Variants in SENP7 observed in about 807,000 individuals in gnomAD.
The protein encoded by SENP7 is sentrin-specific protease 7.
In SENP7, 64 loss-of-function variants were observed where a neutral mutation model predicts 141.2. The ratio of observed to expected loss-of-function variants is 0.45; its 90% CI spans 0.37 to 0.56. SENP7 has a LOEUF of 0.56. SENP7 is among the 20% of genes least tolerant of loss of function. SENP7 has a pLI of 0.00. For synonymous variants in SENP7, 382 were observed against 426.4 expected, an observed-to-expected ratio of 0.90 and a Z score of 1.28; for missense variants, 1,025 against 1,212.2, an observed-to-expected ratio of 0.85 and a Z score of 2.29.
intron 3 of SENP7, among the ~76,000 whole-genome samples, chr3:101,484,927 G>T (rs954090432): frequency 6.6e-6 from 1 of 152,076 alleles, no homozygotes; most frequent in Non-Finnish European, 1.5e-5. Flanking sequence ...GGAGCACAGT[G>T]GGACAGAGAC....
At chr3:101,357,827 T>C in intron 11 of SENP7, 1 of 584,132 alleles carries the variant, frequency 1.7e-6, no homozygotes, top group Admixed American at 2.4e-5. Context: ...AGAAAGTTCA[T>C]ACTGGAGAGA....
intron 4 of SENP7, among the ~76,000 whole-genome samples, chr3:101,443,210 C>T: frequency 6.6e-6 from 1 of 152,148 alleles, no homozygotes; most frequent in Non-Finnish European, 1.5e-5. Context: ...ATAGGGAATC[C>T]TTTCCCCATT....
At chr3:101,344,135 C>T (rs1415719888) in intron 13 of SENP7, among the ~76,000 whole-genome samples, 181 bp from the exon 14 acceptor site, 2 of 152,164 alleles carry the variant, frequency 1.3e-5, no homozygotes, top group Non-Finnish European at 2.9e-5. Flanking sequence ...AGAACCAAAA[C>T]TCACAATTGG....
intron 1 of SENP7, among the ~76,000 whole-genome samples, chr3:101,503,158 G>A (rs1050805734): frequency 2.0e-5 from 3 of 152,084 alleles, no homozygotes; most frequent in African/African-American, 4.8e-5. Context: ...ATATAAACAG[G>A]TGCTCAATTT....
At chr3:101,449,957 T>C (rs1413848547) in intron 4 of SENP7, among the ~76,000 whole-genome samples, 1 of 152,174 alleles carries the variant, frequency 6.6e-6, no homozygotes, top group East Asian at 1.9e-4. Flanking sequence ...TGTGCTATAT[T>C]CAGGAAACCC....
chr3:101,328,134 TACAC>T (rs2107184133), intron 22 of SENP7, among the ~76,000 whole-genome samples: 1 of 152,290 alleles, frequency 6.6e-6, no homozygotes, highest in Non-Finnish European at 1.5e-5. Flanking sequence ...ATTACAAAAT[TACAC>T]ATACATACAT....
intron 9 of SENP7, among the ~76,000 whole-genome samples, chr3:101,365,613 C>G (rs1415264846): frequency 7.6e-6 from 1 of 131,436 alleles, no homozygotes; most frequent in African/African-American, 3.0e-5. Flanking sequence ...CTAGCCTGGC[C>G]GACAGAGAGA....
At chr3:101,508,512 T>C (rs1285298498) in intron 1 of SENP7, among the ~76,000 whole-genome samples, 1 of 152,208 alleles carries the variant, frequency 6.6e-6, no homozygotes, top group East Asian at 1.9e-4. Context: ...AGCAGGAGAA[T>C]GGGATGAACC....
At chr3:101,398,664 C>T (rs1175805295) in intron 6 of SENP7, among the ~76,000 whole-genome samples, 197 bp downstream of exon 6, 1 of 152,080 alleles carries the variant, frequency 6.6e-6, no homozygotes, top group African/African-American at 2.4e-5. Context: ...AGTATGGTGG[C>T]CAGTGCTTCT....
chr3:101,366,623 C>T lies in SENP7; in HGVS notation c.1125G>A (p.Glu375=), dbSNP rs1249748078. Residue 375 remains glutamate (E), a synonymous_variant, in exon 9 of 24, where the codon GAG becomes GAA. Coordinates refer to ENST00000394095, the MANE Select transcript of SENP7 (RefSeq NM_020654.5). ...FTKLSSLNSQ[E]LTLSNATKSA... ...TTTTGGTGGCATTACTCAAAGTCAA[C>T]TCCTGACTGTTAAGTGAGGATAGTT... 2.5e-6 allele frequency: 4 copies of T among 1,613,910 alleles called. No individual in the cohort carries two copies. Among genetic ancestry groups the T allele is most frequent in the African/African-American group, 1.3e-5 (1 of 75,032 alleles).
chr3:101,363,639 A>G (rs2059958937), intron 10 of SENP7, among the ~76,000 whole-genome samples: 1 of 152,220 alleles, frequency 6.6e-6, no homozygotes, highest in Non-Finnish European at 1.5e-5. Context: ...TAAACCATCA[A>G]GTAGGATATT....
intron 1 of SENP7, among the ~76,000 whole-genome samples, chr3:101,506,395 C>G (rs1174284190): frequency 6.6e-6 from 1 of 151,806 alleles, no homozygotes; most frequent in Non-Finnish European, 1.5e-5. Context: ...TTTCCTTAAT[C>G]CTTATATCAT....
chr3:101,325,731 G>T lies in SENP7; in HGVS notation c.*212C>A. Reference sequence around the variant, plus strand: ...TTTATAAAATTTTAATTTATATCTAGTAAGTTTATCTATATCACCCCCATT... The same window carrying T: ...TTTATAAAATTTTAATTTATATCTATTAAGTTTATCTATATCACCCCCATT... On this transcript the variant is annotated 3_prime_UTR_variant, in exon 24 of 24. Coordinates refer to ENST00000394095, the MANE Select transcript of SENP7 (RefSeq NM_020654.5). The T allele has an allele frequency of 3.0e-6, 1 of 329,368 alleles. No individual in the cohort carries two copies. The allele number at this position is 329,368 out of a possible 1,614,324, so 20.4% of individuals were successfully genotyped here. A position where few individuals can be genotyped will look rare whatever the true frequency, so the allele number is the denominator to read the frequency against.
chr3:101,398,635 T>A (rs1470096320), intron 6 of SENP7, among the ~76,000 whole-genome samples: 1 of 152,166 alleles, frequency 6.6e-6, no homozygotes, highest in African/African-American at 2.4e-5. Flanking sequence ...AGTGTCTGTA[T>A]CCATTTTTCC....
intron 7 of SENP7, among the ~76,000 whole-genome samples, chr3:101,371,108 G>C (rs2317743): frequency 6.6e-6 from 1 of 152,016 alleles, no homozygotes; most frequent in African/African-American, 2.4e-5. Context: ...TGGGCAACAC[G>C]GCAAGACCTT....
chr3:101,457,716 A>T lies in SENP7; in HGVS notation c.284+1239T>A. 3 of 1,017,130 alleles carry T rather than the reference A, an allele frequency of 2.9e-6. No homozygotes were observed. The South Asian group carries it at 4.1e-5, about 14-fold the overall frequency. 63.0% of individuals were successfully genotyped at this position (1,017,130 alleles called of 1,614,324 possible). A position where few individuals can be genotyped will look rare whatever the true frequency, so the allele number is the denominator to read the frequency against. On this transcript the variant is annotated intron_variant, in intron 4 of 23. Transcript: ENST00000394095. ...TTTGGCAAGTTTTTCCTGATTCATGATTGTTTCTTTCATCCTATCAGAGCA... is the reference window on the plus strand; with the variant it reads ...TTTGGCAAGTTTTTCCTGATTCATGTTTGTTTCTTTCATCCTATCAGAGCA...
intron 6 of SENP7, among the ~76,000 whole-genome samples, chr3:101,386,949 C>A (rs2060671266): frequency 6.6e-6 from 1 of 152,350 alleles, no homozygotes; most frequent in African/African-American, 2.4e-5. Flanking sequence ...GCAAGCCCTG[C>A]CAACGCCACC....
At chr3:101,366,912 A>G (rs1410916424) in intron 8 of SENP7, 143 bp from the exon 9 acceptor site, 1 of 584,288 alleles carries the variant, frequency 1.7e-6, no homozygotes, top group East Asian at 2.9e-5. Flanking sequence ...ACTACATTAT[A>G]CTTGCCAATG....
At chr3:101,414,229 T>A (rs1047536489) in intron 5 of SENP7, 5 of 575,896 alleles carry the variant, frequency 8.7e-6, no homozygotes, top group Non-Finnish European at 1.2e-5. Context: ...CCATAACAGC[T>A]ACAGCAGCTG....
Sources: gnomAD v4.1 joint callset for allele counts (sites outside exome capture counted in the v4.1 genomes callset) on GRCh38, gnomAD v4.1.1 for gene constraint, MANE v1.5 for transcripts, NCBI Gene and HGNC (gene_info 2026-07-23, HGNC 2026-07-21) for gene names.